The following GHITM variants were observed in gnomAD, a reference collection of about 807,000 sequenced individuals.
GHITM encodes growth hormone inducible transmembrane protein.
GHITM carries 24 observed loss-of-function variants against 38.7 expected under a neutral mutation model. That is an observed-to-expected ratio of 0.62 (90% CI 0.45 to 0.87). The LOEUF (loss-of-function observed/expected upper bound fraction) is 0.87, where lower values mean the gene tolerates loss of function less well. GHITM is among the 40% of genes least tolerant of loss of function. The pLI is 0.00. For missense variants in GHITM, 420 were observed against 429.8 expected (o/e 0.98, Z 0.20); for synonymous variants, 154 against 147.8 (o/e 1.04, Z -0.30).
Position 84,150,246 on chromosome 10 carries a change from A to G in GHITM, c.781+3A>G. On this transcript the variant is annotated splice_donor_region_variant and intron_variant, in intron 7 of 8. Coordinates refer to ENST00000372134, the MANE Select transcript of GHITM (RefSeq NM_014394.3). ...TCTCGTCTTTGTGTCCTCATTGGGT[A>G]AGCTGCTGTGTTTTAACACTTAATT... is the stretch of plus-strand genomic sequence containing the variant. 1 of 1,597,110 alleles carries G rather than the reference A, an allele frequency of 6.3e-7. No homozygotes were observed. Among genetic ancestry groups the G allele is most frequent in the South Asian group, 1.1e-5 (1 of 89,498 alleles).
chr10:84,150,040 T>G lies in GHITM; in HGVS notation c.593-15T>G. ...TATTTAGTAAATACTTAATGAGCAC[T>G]TCCTCTTTCTCCAGGTGTGATGGGT... On this transcript the variant is annotated splice_polypyrimidine_tract_variant and intron_variant, in intron 6 of 8. Coordinates refer to ENST00000372134, the MANE Select transcript of GHITM (RefSeq NM_014394.3). The G allele has an allele frequency of 6.7e-7, 1 of 1,490,410 alleles. No homozygotes were observed. The highest frequency in any genetic ancestry group is 9.0e-7 in the Non-Finnish European group (1 of 1,112,040). 92.3% of individuals were successfully genotyped at this position (1,490,410 alleles called of 1,614,324 possible).
intron 5 of GHITM, among the ~76,000 whole-genome samples, chr10:84,146,072 T>A (rs187977652): frequency 3.7e-3 from 561 of 152,046 alleles, no homozygotes; most frequent in Non-Finnish European, 5.5e-3. Flanking sequence ...TAAAAAAAAA[T>A]TTTTTTAAGT....
rs1014059318 is a variant in GHITM, at chr10:84,153,332, G to T, written c.*984G>T. 6.6e-6 allele frequency: 1 copy of T among 152,120 alleles called. No individual in the cohort carries two copies. Among genetic ancestry groups the T allele is most frequent in the Non-Finnish European group, 1.5e-5 (1 of 68,010 alleles). 9.4% of individuals were successfully genotyped at this position (152,120 alleles called of 1,614,324 possible). ...AGCAGTTTTTCTCCTAAGACTTTTG[G>T]TTTCTCGCATTGCCTCTCAGACTAA... On this transcript the variant is annotated 3_prime_UTR_variant, in exon 9 of 9. Transcript: ENST00000372134.
chr10:84,143,338 T>C (rs559454970), intron 3 of GHITM, among the ~76,000 whole-genome samples: 3 of 152,348 alleles, frequency 2.0e-5, no homozygotes, highest in African/African-American at 7.2e-5. Flanking sequence ...CTAATCAGTA[T>C]CCTTCAGGTC....
intron 1 of GHITM, 150 bp from the exon 2 acceptor site, chr10:84,141,312 C>A (rs998452554): frequency 5.5e-6 from 3 of 542,762 alleles, no homozygotes; most frequent in Non-Finnish European, 9.9e-6. Flanking sequence ...AAGAATTCAT[C>A]GCTGAAAATT....
chr10:84,144,479 C>T lies in GHITM; in HGVS notation c.341+373C>T, dbSNP rs117018321. Among the ~76,000 whole-genome samples the T allele has an allele frequency of 7.5e-3, 1,143 of 152,242 alleles. 10 individuals are homozygous for T. Among genetic ancestry groups the T allele is most frequent in the Non-Finnish European group, 0.012 (832 of 68,002 alleles). On this transcript the variant is annotated intron_variant, in intron 4 of 8. Coordinates refer to ENST00000372134, the MANE Select transcript of GHITM (RefSeq NM_014394.3). ...CAGGCAATTCTCCTGCCTCAGGCTC[C>T]TGTAGGTGGGATTACAGGCACATGC... is the stretch of plus-strand genomic sequence containing the variant.
At chr10:84,143,973 C>T (rs775474180) in intron 3 of GHITM, 22 bp from the exon 4 acceptor site, 1 of 1,486,972 alleles carries the variant, frequency 6.7e-7, no homozygotes, top group Non-Finnish European at 9.4e-7. Context: ...TACTAACCTG[C>T]ATTTCCTTCT....
intron 5 of GHITM, among the ~76,000 whole-genome samples, chr10:84,147,626 G>T (rs80116882): frequency 0.043 from 2,564 of 59,974 alleles, 82 homozygotes; most frequent in African/African-American, 0.094. Context: ...CTTTTTTTTT[G>T]TTTGTTTTTT....
rs1185861294 is a variant in GHITM, at chr10:84,152,342, G to C, written c.1032G>C (p.Lys344Asn). 2.5e-6 allele frequency: 4 copies of C among 1,580,950 alleles called. No homozygotes were observed. The highest frequency in any genetic ancestry group is 3.5e-6 in the Non-Finnish European group (4 of 1,151,482). Reference protein sequence around the residue: ...ATMLATGGNRKK With the variant: ...ATMLATGGNRNK ...TGCTGGCAACTGGAGGCAACAGAAA[G>C]AAATGAAGTGACTCAGCTTCTGGCT... The change falls in exon 9 of 9, where the codon AAG becomes AAC. Residue 344 changes from lysine to asparagine, a missense_variant. Coordinates refer to ENST00000372134, the MANE Select transcript of GHITM (RefSeq NM_014394.3).
intron 6 of GHITM, 38 bp from the exon 7 acceptor site, chr10:84,150,017 T>C: frequency 7.1e-7 from 1 of 1,403,220 alleles, no homozygotes; most frequent in Non-Finnish European, 9.5e-7. Flanking sequence ...TTGCTTGTTA[T>C]TTAGTAAATA....
rs756776360 is a variant in GHITM at position 84,142,711 on chromosome 10, CAA to C, written c.188_189del (p.Lys63ArgfsTer13). The C allele has an allele frequency of 1.9e-6, 3 of 1,612,088 alleles. No individual in the cohort carries two copies. The highest frequency in any genetic ancestry group is 2.5e-6 in the Non-Finnish European group (3 of 1,178,546). ...GGCGTGGGAGAACTGGCCAAGAACT[CAA>C]AGAGGCAGCATTGGAACCATCGATG... Reference protein sequence around the residue: ...IRRGRTGQELKEAALEPSMEK... With the variant: ...IRRGRTGQELXEAALEPSMEK... On this transcript the variant is annotated frameshift_variant, in exon 3 of 9. Transcript: ENST00000372134. LOFTEE classifies it high-confidence loss of function.
At position 84,142,676 on chromosome 10, in the gene GHITM, A is replaced by G. The variant is rs1418084867; in HGVS notation, c.151A>G (p.Ile51Val). Residue 51 changes from isoleucine to valine, a missense_variant, in exon 3 of 9, where the codon ATT becomes GTT. Transcript: ENST00000372134. Reference sequence around the variant, plus strand: ...TCAGGAATATGCCACCAAAACAAGAATTGGGATCCGGCGTGGGAGAACTGG... The same window carrying G: ...TCAGGAATATGCCACCAAAACAAGAGTTGGGATCCGGCGTGGGAGAACTGG... Reference protein sequence around the residue: ...PSREYATKTRIGIRRGRTGQE... With the variant: ...PSREYATKTRVGIRRGRTGQE... 2 of 1,612,458 alleles carry G rather than the reference A, an allele frequency of 1.2e-6. No individual in the cohort carries two copies. The highest frequency in any genetic ancestry group is 1.1e-5 in the South Asian group (1 of 90,984).
chr10:84,143,184 A>G (rs1841525217), intron 3 of GHITM, among the ~76,000 whole-genome samples: 1 of 152,230 alleles, frequency 6.6e-6, no homozygotes, highest in Non-Finnish European at 1.5e-5. Context: ...GGAGGGCAGT[A>G]CTTTAATATA....
At chr10:84,146,746 C>T (rs1380071593) in intron 5 of GHITM, among the ~76,000 whole-genome samples, 1 of 152,116 alleles carries the variant, frequency 6.6e-6, no homozygotes, top group East Asian at 1.9e-4. Flanking sequence ...GTGTTTGGGC[C>T]ATATCCTCAG....
intron 3 of GHITM, among the ~76,000 whole-genome samples, chr10:84,143,154 A>T (rs1334290622): frequency 6.6e-6 from 1 of 152,224 alleles, no homozygotes; most frequent in Non-Finnish European, 1.5e-5. Context: ...CCTTTAACTC[A>T]CTGCTCACAT....
At chr10:84,143,560 C>CT (rs1356423690) in intron 3 of GHITM, among the ~76,000 whole-genome samples, 1 of 152,108 alleles carries the variant, frequency 6.6e-6, no homozygotes, top group Non-Finnish European at 1.5e-5. Flanking sequence ...TATATTTTCT[C>CT]TTTTTTCTTG....
rs911895561 is a variant in GHITM at position 84,144,102 on chromosome 10, G to T, written c.337G>T (p.Ala113Ser). 15 of 1,597,598 alleles carry T rather than the reference G, an allele frequency of 9.4e-6. No homozygotes were observed. Among genetic ancestry groups the T allele is most frequent in the Admixed American group, 1.7e-5 (1 of 59,980 alleles). Residue 113 changes from alanine (A) to serine (S), a missense_variant, in exon 4 of 9, where the codon GCT (alanine) becomes TCT (serine). By Grantham distance (99) the Ala-to-Ser change is moderately conservative (BLOSUM62 1). Coordinates refer to ENST00000372134, the MANE Select transcript of GHITM (RefSeq NM_014394.3). ...LSNEIGAIEK[A>S]VIWPQYVKDR... ...TAATGAGATTGGAGCTATTGAAAAG[G>T]CTGTGTAAGTAAATTGTTTTAAGTA...
chr10:84,151,543 G>T (rs1311951097), intron 8 of GHITM, among the ~76,000 whole-genome samples: 2 of 152,088 alleles, frequency 1.3e-5, no homozygotes, highest in East Asian at 3.8e-4. Flanking sequence ...TATTAATCAA[G>T]TATTATTTAT....
chr10:84,142,550 G>C (rs1841517402), intron 2 of GHITM, 105 bp from the exon 3 acceptor site: 1 of 578,578 alleles, frequency 1.7e-6, no homozygotes, highest in Admixed American at 3.6e-5. Flanking sequence ...AAAGTACCAA[G>C]TTTCTTTAAC....
Sources: allele counts gnomAD v4.1 joint callset (sites outside exome capture counted in the v4.1 genomes callset), GRCh38; gene constraint gnomAD v4.1.1; transcripts MANE v1.5; gene names NCBI Gene and HGNC (gene_info 2026-07-23, HGNC 2026-07-21).